The following EDNRA variants were observed in gnomAD, a reference collection of about 807,000 sequenced individuals.
EDNRA encodes endothelin-1 receptor.
In EDNRA, 11 loss-of-function variants were observed where a neutral mutation model predicts 41.4. The observed-to-expected ratio is 0.27, with a 90% confidence interval of 0.17 to 0.44. The LOEUF is 0.44. Among genes scored for constraint, EDNRA ranks in the 20% least tolerant of loss-of-function variants. The pLI is 1.00. For missense variants in EDNRA, 294 were observed against 531.0 expected (o/e 0.55, Z 4.39); for synonymous variants, 172 against 183.0 (o/e 0.94, Z 0.49).
intron 6 of EDNRA, 91 bp downstream of exon 6, chr4:147,540,041 T>C: frequency 6.7e-7 from 1 of 1,489,160 alleles, no homozygotes; most frequent in Non-Finnish European, 8.9e-7. Flanking sequence ...TACATGCCCG[T>C]TAGCCCTGAA....
At chr4:147,502,530 C>G (rs1729551215) in intron 2 of EDNRA, among the ~76,000 whole-genome samples, 1 of 152,170 alleles carries the variant, frequency 6.6e-6, no homozygotes, top group Non-Finnish European at 1.5e-5. Context: ...CAAGATAAGC[C>G]TGTGCATTGA....
rs11330586 is a variant in EDNRA, at chr4:147,497,149, C to CTT, written c.420+11073_420+11074dup. 3.0e-3 allele frequency among the ~76,000 whole-genome samples: 223 copies of CTT among 75,066 alleles called. 21 individuals carry two copies. Among genetic ancestry groups the CTT allele is most frequent in the African/African-American group, 8.6e-3 (160 of 18,570 alleles). 49.2% of individuals were successfully genotyped at this position (75,066 alleles called of 152,430 possible). A position where few individuals can be genotyped will look rare whatever the true frequency, so the allele number is the denominator to read the frequency against. On this transcript the variant is annotated intron_variant, in intron 2 of 7. Transcript: ENST00000651419. ...TTAAGAACTAGGCAATAGAATTCTTCTTTTTTTTTTTTTTTTTTTTTTTTT... is the reference window on the plus strand; with the variant it reads ...TTAAGAACTAGGCAATAGAATTCTTCTTTTTTTTTTTTTTTTTTTTTTTTTTT...
intron 2 of EDNRA, among the ~76,000 whole-genome samples, chr4:147,513,221 T>C (rs1166708426): frequency 6.6e-6 from 1 of 152,138 alleles, no homozygotes; most frequent in Non-Finnish European, 1.5e-5. Context: ...GGAGGGCACC[T>C]AAGGCCAGAG....
At chr4:147,524,905 A>G (rs1040125061) in intron 3 of EDNRA, among the ~76,000 whole-genome samples, 3 of 152,160 alleles carry the variant, frequency 2.0e-5, no homozygotes, top group African/African-American at 7.2e-5. Context: ...TACAAAAAAA[A>G]ATAAAAATAA....
rs191526960 is a variant in EDNRA at position 147,518,574 on chromosome 4, C to T, written c.421-1277C>T. ...CAAAAATCACAGAGTGAGAGACTGC[C>T]CTGTGTAACCAAGTTCTCATTCTTT... On this transcript the variant is annotated intron_variant, in intron 2 of 7. Transcript: ENST00000651419. 5.4e-4 allele frequency among the ~76,000 whole-genome samples: 82 copies of T among 152,156 alleles called. 1 individual carries two copies. The highest frequency in any genetic ancestry group is 1.8e-3 in the African/African-American group (73 of 41,540).
intron 2 of EDNRA, among the ~76,000 whole-genome samples, chr4:147,503,827 T>TTA (rs1207126687): frequency 4.6e-5 from 7 of 152,166 alleles, no homozygotes; most frequent in African/African-American, 1.7e-4. Context: ...TTCATGTATG[T>TTA]TATATTGATG....
chr4:147,538,334 A>G (rs1730983640), intron 5 of EDNRA, among the ~76,000 whole-genome samples: 1 of 152,130 alleles, frequency 6.6e-6, no homozygotes, highest in African/African-American at 2.4e-5. Context: ...AACCCATGCA[A>G]TGGTTTCTAT....
intron 2 of EDNRA, among the ~76,000 whole-genome samples, chr4:147,497,159 T>C (rs1427947705): frequency 1.8e-4 from 26 of 143,848 alleles, no homozygotes; most frequent in African/African-American, 6.5e-4. Context: ...CTTTTTTTTT[T>C]TTTTTTTTTT....
intron 2 of EDNRA, among the ~76,000 whole-genome samples, chr4:147,497,927 C>G (rs1332572916): frequency 6.6e-6 from 1 of 152,068 alleles, no homozygotes; most frequent in Non-Finnish European, 1.5e-5. Context: ...ATGTGAAATA[C>G]CTCTAAAAAT....
chr4:147,516,385 G>C (rs1050375346), intron 2 of EDNRA, among the ~76,000 whole-genome samples: 2 of 152,102 alleles, frequency 1.3e-5, no homozygotes, highest in Non-Finnish European at 2.9e-5. Context: ...ATAAAGAGTG[G>C]GAGCACTACT....
intron 2 of EDNRA, chr4:147,493,406 A>G (rs1729204131): frequency 6.6e-6 from 1 of 152,152 alleles, no homozygotes; most frequent in South Asian, 2.1e-4. Flanking sequence ...AAGTATATAC[A>G]GTTAGTATAA....
In EDNRA at chr4:147,542,482, G is replaced by C; in HGVS notation, c.1148G>C (p.Cys383Ser). 6.2e-7 allele frequency: 1 copy of C among 1,614,124 alleles called. No individual in the cohort carries two copies. Among genetic ancestry groups the C allele is most frequent in the Non-Finnish European group, 8.5e-7 (1 of 1,180,022 alleles). Residue 383 changes from cysteine to serine, a missense_variant, in exon 8 of 8, where the codon TGC becomes TCC. Cys to Ser is a moderately radical substitution (Grantham distance 112). Around this residue, in one of 3 missense-constraint regions of EDNRA, gnomAD observed 185 missense variants for 390.8 expected, o/e 0.47. Coordinates refer to ENST00000651419, the MANE Select transcript of EDNRA (RefSeq NM_001957.4). Reference sequence around the variant, plus strand: ...CGAGTCTGTTCCTTCCCCCAGTCATGCCTCTGCTGCTGCTGTTACCAGTCC... The same window carrying C: ...CGAGTCTGTTCCTTCCCCCAGTCATCCCTCTGCTGCTGCTGTTACCAGTCC... ...SKKFKNCFQS[C>S]LCCCCYQSKS...
rs371489760 is a variant in EDNRA, at chr4:147,526,303, T to A, written c.549-6203T>A. Among the ~76,000 whole-genome samples, 98 of 152,312 alleles carry A rather than the reference T, an allele frequency of 6.4e-4. 3 individuals carry two copies. In the South Asian group the frequency reaches 0.019, roughly 29 times the overall value. On this transcript the variant is annotated intron_variant, in intron 3 of 7. Transcript: ENST00000651419. ...TTATCATATCTCACCATGTTGAAGGTCAGGAATTTGGGCAATTCTTCTGCT... is the reference window on the plus strand; with the variant it reads ...TTATCATATCTCACCATGTTGAAGGACAGGAATTTGGGCAATTCTTCTGCT...
At chr4:147,511,504 A>T (rs1425671050) in intron 2 of EDNRA, among the ~76,000 whole-genome samples, 1 of 152,140 alleles carries the variant, frequency 6.6e-6, no homozygotes. Flanking sequence ...TACACTCAGG[A>T]TAATTGTGAC....
rs1195904771 is a variant in EDNRA at position 147,544,825 on chromosome 4, G to C, written c.*2207G>C. On this transcript the variant is annotated 3_prime_UTR_variant, in exon 8 of 8. Coordinates refer to ENST00000651419, the MANE Select transcript of EDNRA (RefSeq NM_001957.4). Reference sequence around the variant, plus strand: ...ACTGGTAAGTAACTGTGGTTTACTAGCAGGAATATTTCCAATTTCTACCTT... The same window carrying C: ...ACTGGTAAGTAACTGTGGTTTACTACCAGGAATATTTCCAATTTCTACCTT... The C allele has an allele frequency of 6.6e-6, 1 of 152,592 alleles. No homozygotes were observed. The highest frequency in any genetic ancestry group is 1.5e-5 in the Non-Finnish European group (1 of 68,024). 9.5% of individuals were successfully genotyped at this position (152,592 alleles called of 1,614,324 possible).
At chr4:147,538,677 A>G (rs752250858) in intron 5 of EDNRA, among the ~76,000 whole-genome samples, 2 of 152,090 alleles carry the variant, frequency 1.3e-5, no homozygotes, top group African/African-American at 4.8e-5. Context: ...TCCCTCAGTC[A>G]TTACTCCGGA....
chr4:147,534,241 G>A (rs1348104053), intron 4 of EDNRA, among the ~76,000 whole-genome samples: 1 of 152,190 alleles, frequency 6.6e-6, no homozygotes, highest in Admixed American at 6.5e-5. Context: ...CAAAAGAAGG[G>A]AGAATGGGTG....
chr4:147,523,488 G>GT (rs759191166), intron 3 of EDNRA, among the ~76,000 whole-genome samples: 1,442 of 118,066 alleles, frequency 0.012, 45 homozygotes, highest in African/African-American at 0.042. Context: ...TTGTTTTTTT[G>GT]TTTTTTTTGT....
rs59851236 is a variant in EDNRA, at chr4:147,532,325, C to CAAAAAAAAAAAAAA, written c.549-169_549-156dup. Among the ~76,000 whole-genome samples, 91 of 60,388 alleles carry CAAAAAAAAAAAAAA rather than the reference C, an allele frequency of 1.5e-3. 1 individual carries two copies. Among genetic ancestry groups the CAAAAAAAAAAAAAA allele is most frequent in the African/African-American group, 5.4e-3 (86 of 15,946 alleles). The allele number at this position is 60,388 out of a possible 152,430, so 39.6% of individuals were successfully genotyped here. Reference sequence around the variant, plus strand: ...TGAGCAACAGAGCGAGATTTTGCCTCAAAAAAAAAAAAAAAAAAAAAAAAA... The same window carrying CAAAAAAAAAAAAAA: ...TGAGCAACAGAGCGAGATTTTGCCTCAAAAAAAAAAAAAAAAAAAAAAAAAAAAAAAAAAAAAAA... On this transcript the variant is annotated intron_variant, in intron 3 of 7. Transcript: ENST00000651419.
Sources: gnomAD v4.1 joint callset for allele counts (sites outside exome capture counted in the v4.1 genomes callset) on GRCh38, gnomAD v4.1.1 for gene constraint, gnomAD v4.1.1 regional missense constraint, MANE v1.5 for transcripts, NCBI Gene and HGNC (gene_info 2026-07-23, HGNC 2026-07-21) for gene names.